Variants in PTPN13 observed in about 807,000 individuals in gnomAD.
PTPN13 encodes tyrosine-protein phosphatase non-receptor type 13.
A neutral mutation model predicts 284.0 loss-of-function variants in PTPN13; 191 were observed. That is an observed-to-expected ratio of 0.67 (90% CI 0.60 to 0.76). The LOEUF is 0.76. Ranked by LOEUF, PTPN13 falls within the 30% of genes least tolerant of loss-of-function variation. PTPN13 has a pLI of 0.00. For synonymous variants in PTPN13, 986 were observed against 1,022.3 expected (o/e 0.96, Z 0.68); for missense variants, 2,797 against 2,939.9 (o/e 0.95, Z 1.12).
rs375963027 is a variant in PTPN13, at chr4:86,717,114, C to A, written c.1382C>A (p.Pro461Gln). 1 of 1,603,964 alleles carries A rather than the reference C, an allele frequency of 6.2e-7. No individual in the cohort carries two copies. Among genetic ancestry groups the A allele is most frequent in the Non-Finnish European group, 8.5e-7 (1 of 1,172,966 alleles). Residue 461 changes from proline (P) to glutamine (Q), a missense_variant, in exon 9 of 48, where the codon CCG becomes CAG. Coordinates refer to ENST00000411767, the MANE Select transcript of PTPN13 (RefSeq NM_080683.3). Reference protein sequence around the residue: ...ETLSQGQSQRPSRQYETPFEG... With the variant: ...ETLSQGQSQRQSRQYETPFEG... ...TTAAGTCAAGGCCAGTCACAGAGAC[C>A]GAGGTATGTCATGAAAAAGTAGTGA...
At chr4:86,609,344 T>C (rs1339798522) in intron 1 of PTPN13, among the ~76,000 whole-genome samples, 2 of 152,176 alleles carry the variant, frequency 1.3e-5, no homozygotes, top group East Asian at 3.8e-4. Context: ...TTTTATAGAA[T>C]AGGTAAAACT....
intron 41 of PTPN13, among the ~76,000 whole-genome samples, chr4:86,797,749 T>C (rs1384397066): frequency 1.3e-5 from 2 of 151,854 alleles, no homozygotes; most frequent in Non-Finnish European, 2.9e-5. Context: ...TAATTTTTAA[T>C]GAGAAAATGA....
At chr4:86,636,024 A>G (rs1034696263) in intron 2 of PTPN13, among the ~76,000 whole-genome samples, 61 of 152,102 alleles carry the variant, frequency 4.0e-4, no homozygotes, top group Admixed American at 2.8e-3. Flanking sequence ...AAACAAATGT[A>G]AAAAATGCAG....
intron 2 of PTPN13, among the ~76,000 whole-genome samples, chr4:86,666,287 A>G (rs1727064296): frequency 7.2e-6 from 1 of 138,850 alleles, no homozygotes. Context: ...TGTCTGGGGT[A>G]AATACCCGAG....
Position 86,750,513 on chromosome 4 carries a change from T to C in PTPN13, c.2694T>C (p.Val898=), listed in dbSNP as rs780676559. The C allele has an allele frequency of 6.2e-7, 1 of 1,613,872 alleles. No individual in the cohort carries two copies. The highest frequency in any genetic ancestry group is 1.1e-5 in the South Asian group (1 of 91,058). Residue 898 remains valine, a synonymous_variant, in exon 18 of 48, where the codon GTT becomes GTC. Transcript: ENST00000411767. ...GCCTGAATCTCCAAGCAGAGTCTGT[T>C]AGAGGATTTAATATGGGACGAGCAA... ...FRSLNLQAES[V]RGFNMGRAIS...
chr4:86,669,531 T>C (rs934173071), intron 2 of PTPN13, among the ~76,000 whole-genome samples: 2 of 152,260 alleles, frequency 1.3e-5, no homozygotes, highest in Admixed American at 1.3e-4. Flanking sequence ...AGAGTAATTA[T>C]CAGTTTACTG....
chr4:86,606,607 C>T (rs1423997912), intron 1 of PTPN13, among the ~76,000 whole-genome samples: 1 of 151,806 alleles, frequency 6.6e-6, no homozygotes, highest in Non-Finnish European at 1.5e-5. Context: ...CTAAATGAAT[C>T]GCATCTTTCC....
intron 2 of PTPN13, among the ~76,000 whole-genome samples, chr4:86,646,599 G>GC (rs1724457688): frequency 6.6e-6 from 1 of 152,232 alleles, no homozygotes; most frequent in Non-Finnish European, 1.5e-5. Flanking sequence ...TGCCCAGCCA[G>GC]CAACTGGAAG....
At chr4:86,779,216 T>A (rs1159051707) in intron 35 of PTPN13, among the ~76,000 whole-genome samples, 1 of 152,088 alleles carries the variant, frequency 6.6e-6, no homozygotes, top group African/African-American at 2.4e-5. Context: ...CAGACTGCAA[T>A]GCCAGTTTCC....
chr4:86,715,122 C>G (rs979868765), intron 7 of PTPN13, among the ~76,000 whole-genome samples: 1 of 152,118 alleles, frequency 6.6e-6, no homozygotes, highest in Non-Finnish European at 1.5e-5. Flanking sequence ...AATTTAGTAA[C>G]ACAGGTACAG....
At chr4:86,624,184 T>C (rs915333023) in intron 1 of PTPN13, among the ~76,000 whole-genome samples, 2 of 152,186 alleles carry the variant, frequency 1.3e-5, no homozygotes, top group Non-Finnish European at 2.9e-5. Context: ...TTATTTTCTT[T>C]TTTATACTGC....
intron 1 of PTPN13, among the ~76,000 whole-genome samples, chr4:86,626,377 A>C (rs1463172602): frequency 6.6e-6 from 1 of 152,162 alleles, no homozygotes; most frequent in Non-Finnish European, 1.5e-5. Context: ...ACTGCAACAA[A>C]AACATTTAGA....
intron 1 of PTPN13, among the ~76,000 whole-genome samples, chr4:86,608,585 C>T (rs958119047): frequency 2.6e-5 from 4 of 151,996 alleles, no homozygotes; most frequent in African/African-American, 9.7e-5. Context: ...GTAAATACTA[C>T]TGTTATCTTC....
intron 28 of PTPN13, 46 bp downstream of exon 28, chr4:86,768,022 C>A (rs1739532349): frequency 9.1e-6 from 14 of 1,546,752 alleles, no homozygotes; most frequent in Non-Finnish European, 1.2e-5. Flanking sequence ...TTATTCCTCG[C>A]CTATTCAAAA....
intron 35 of PTPN13, among the ~76,000 whole-genome samples, chr4:86,776,871 A>G (rs1263552623): frequency 6.6e-6 from 1 of 152,218 alleles, no homozygotes; most frequent in Non-Finnish European, 1.5e-5. Flanking sequence ...TCACTTTTAC[A>G]GTGTCATAAA....
In PTPN13 at chr4:86,643,866, A is replaced by C. The variant is rs943080715; in HGVS notation, c.115+8495A>C. On this transcript the variant is annotated intron_variant, in intron 2 of 47. Transcript: ENST00000411767. Reference sequence around the variant, plus strand: ...TGAACTTACACCTATTTAGAGCTATAAAATCACTTCATGTGTACATAACAA... The same window carrying C: ...TGAACTTACACCTATTTAGAGCTATCAAATCACTTCATGTGTACATAACAA... Among the ~76,000 whole-genome samples, 18 of 152,314 alleles carry C rather than the reference A, an allele frequency of 1.2e-4. No homozygotes were observed. In the East Asian group the frequency reaches 3.3e-3, roughly 28 times the overall value.
At chr4:86,719,216 G>A (rs571695444) in intron 9 of PTPN13, among the ~76,000 whole-genome samples, 26 of 152,276 alleles carry the variant, frequency 1.7e-4, no homozygotes, top group African/African-American at 6.3e-4. Flanking sequence ...ACTTACAAGT[G>A]AGAACATGTG....
intron 40 of PTPN13, among the ~76,000 whole-genome samples, chr4:86,788,380 T>G (rs1419381894): frequency 1.3e-5 from 2 of 152,170 alleles, no homozygotes; most frequent in East Asian, 3.8e-4. Flanking sequence ...TGTAAGTTCT[T>G]GAAATCACCC....
chr4:86,739,988 G>A (rs961518787), intron 15 of PTPN13, among the ~76,000 whole-genome samples: 1 of 152,222 alleles, frequency 6.6e-6, no homozygotes, highest in African/African-American at 2.4e-5. Flanking sequence ...TGATGCAAGA[G>A]GTGGGCTCCC....
Sources: allele counts gnomAD v4.1 joint callset (sites outside exome capture counted in the v4.1 genomes callset), GRCh38; gene constraint gnomAD v4.1.1; transcripts MANE v1.5; gene names NCBI Gene and HGNC (gene_info 2026-07-23, HGNC 2026-07-21).